TG: variants seen among roughly 807,000 people sequenced by gnomAD.
TG encodes thyroglobulin.
In TG, 270 loss-of-function variants were observed where a neutral mutation model predicts 324.7. That is an observed-to-expected ratio of 0.83 (90% CI 0.75 to 0.92). The LOEUF (loss-of-function observed/expected upper bound fraction) is 0.92. TG is among the 40% of genes least tolerant of loss of function. The probability of loss-of-function intolerance (pLI) is 0.00; values close to 1 mark genes in which losing one functional copy is unlikely to be tolerated. For missense variants in TG, 3,591 were observed against 3,456.4 expected (o/e 1.04, Z -0.98); for synonymous variants, 1,401 against 1,327.0 (o/e 1.06, Z -1.21).
rs1229836506 is a variant in TG at position 132,967,974 on chromosome 8, A to G, written c.5863+4A>G. 3 of 1,613,176 alleles carry G rather than the reference A, an allele frequency of 1.9e-6. No homozygotes were observed. ...AAGGCCCTGTTCCGGAAGAAAGGTG[A>G]GCACTTGGAGAGATCTGCATAAACT... On this transcript the variant is annotated splice_donor_region_variant and intron_variant, in intron 31 of 47. Transcript: ENST00000220616.
rs758730004 is a variant in TG, at chr8:132,900,351, C to G, written c.3433+12C>G. On this transcript the variant is annotated intron_variant, in intron 15 of 47. Coordinates refer to ENST00000220616, the MANE Select transcript of TG (RefSeq NM_003235.5). ...CAGCAGTGCCCAGTGTGAGTAGCAGCCCCTCCTGGCATGGCTTCTCACCTC... is the reference window on the plus strand; with the variant it reads ...CAGCAGTGCCCAGTGTGAGTAGCAGGCCCTCCTGGCATGGCTTCTCACCTC... 4.4e-6 allele frequency: 7 copies of G among 1,604,564 alleles called. No individual in the cohort carries two copies. The highest frequency in any genetic ancestry group is 6.0e-6 in the Non-Finnish European group (7 of 1,175,580).
intron 20 of TG, among the ~76,000 whole-genome samples, chr8:132,913,510 C>T (rs1225160511): frequency 6.6e-6 from 1 of 152,160 alleles, no homozygotes; most frequent in East Asian, 1.9e-4. Context: ...AAGCTTGGAC[C>T]CTGGGCCTGG....
intron 41 of TG, chr8:133,040,445 C>T: frequency 3.2e-6 from 1 of 313,456 alleles, no homozygotes; most frequent in South Asian, 4.8e-5. Context: ...AAGAACGTCT[C>T]TGAGCTTTCC....
At position 133,093,914 on chromosome 8, in the gene TG, C is replaced by T. The variant is rs548869874; in HGVS notation, c.7240-1130C>T. Among the ~76,000 whole-genome samples, 217 of 152,308 alleles carry T rather than the reference C, an allele frequency of 1.4e-3. 1 individual carries two copies. Among genetic ancestry groups the T allele is most frequent in the Non-Finnish European group, 2.0e-3 (139 of 68,024 alleles). On this transcript the variant is annotated intron_variant, in intron 41 of 47. Transcript: ENST00000220616. ...TCTGATGAGCTGAAATAGGGAACCT[C>T]TTGAGTGAGTTTGTCGGAGCCCTCA...
At chr8:132,948,316 AGAGCG>A (rs1825639621) in intron 26 of TG, among the ~76,000 whole-genome samples, 1 of 152,100 alleles carries the variant, frequency 6.6e-6, no homozygotes, top group South Asian at 2.1e-4. Flanking sequence ...AGTGAGAGCG[AGAGCG>A]AGAGAGAGAG....
intron 35 of TG, chr8:132,994,634 C>G: frequency 7.9e-7 from 1 of 1,263,130 alleles, no homozygotes; most frequent in South Asian, 1.3e-5. Flanking sequence ...TTTATTCTCC[C>G]TTGTTGAGTG....
At chr8:132,935,142 T>A (rs1355025009) in intron 24 of TG, among the ~76,000 whole-genome samples, 1 of 151,778 alleles carries the variant, frequency 6.6e-6, no homozygotes, top group Non-Finnish European at 1.5e-5. Context: ...AAACTCTTTT[T>A]TTTTTTTTTT....
rs760991811 is a variant in TG, at chr8:133,133,635, C to T, written c.8163C>T (p.Tyr2721=). Residue 2721 remains tyrosine (Y), a synonymous_variant, in exon 47 of 48, where the codon TAC becomes TAT. Transcript: ENST00000220616. ...CCGACTGCTCCTTCTGGTCCAAGTA[C>T]ATCTCGTCTCTGAAGACATCTGCAG... ...KKADCSFWSK[Y]ISSLKTSADG... is the part of the protein sequence containing the mutation. 15 of 1,614,040 alleles carry T rather than the reference C, an allele frequency of 9.3e-6. No homozygotes were observed. Among genetic ancestry groups the T allele is most frequent in the African/African-American group, 2.7e-5 (2 of 74,944 alleles).
chr8:133,095,355 C>G (rs1175008890), intron 42 of TG, 147 bp downstream of exon 42: 1 of 1,134,742 alleles, frequency 8.8e-7, no homozygotes, highest in African/African-American at 1.5e-5. Flanking sequence ...CATTCCCTAG[C>G]CCCTAGAGCT....
rs749339050 is a variant in TG, at chr8:132,948,950, C to T, written c.5401+7C>T. ...GACCAGGAGTTCATCAAGAGTAAGT[C>T]TTTGCCATTTGTCCATATTCTTTCA... On this transcript the variant is annotated splice_region_variant and intron_variant, in intron 27 of 47. Transcript: ENST00000220616. 7 of 1,612,454 alleles carry T rather than the reference C, an allele frequency of 4.3e-6. No homozygotes were observed. In the Admixed American group the frequency reaches 1.0e-4, roughly 23 times the overall value.
intron 41 of TG, among the ~76,000 whole-genome samples, chr8:133,059,394 G>T (rs933587457): frequency 2.6e-5 from 4 of 152,208 alleles, no homozygotes; most frequent in Non-Finnish European, 5.9e-5. Context: ...TGGTGGATTT[G>T]ATGTTCAGCC....
intron 35 of TG, among the ~76,000 whole-genome samples, chr8:132,990,729 T>G (rs1377818799): frequency 1.1e-4 from 16 of 152,188 alleles, no homozygotes. Flanking sequence ...TGCACAACTG[T>G]GTCCATTTTC....
At chr8:133,094,390 G>A (rs557614652) in intron 41 of TG, among the ~76,000 whole-genome samples, 34 of 151,816 alleles carry the variant, frequency 2.2e-4, no homozygotes, top group African/African-American at 4.1e-4. Flanking sequence ...ACAGGCGCCC[G>A]TCACCACGCC....
At chr8:132,958,299 G>C (rs935312071) in intron 27 of TG, among the ~76,000 whole-genome samples, 1 of 152,046 alleles carries the variant, frequency 6.6e-6, no homozygotes, top group Non-Finnish European at 1.5e-5. Flanking sequence ...GAGTATATAG[G>C]TTATATCTAT....
chr8:132,980,799 A>G (rs765984751), intron 34 of TG, among the ~76,000 whole-genome samples: 7 of 152,168 alleles, frequency 4.6e-5, no homozygotes, highest in Non-Finnish European at 7.3e-5. Context: ...AAAACCTGAC[A>G]GATGTGGTAT....
chr8:132,880,354 C>A (rs960004340), intron 5 of TG, among the ~76,000 whole-genome samples: 15 of 152,144 alleles, frequency 9.9e-5, no homozygotes, highest in African/African-American at 3.6e-4. Flanking sequence ...TGCAGATAGT[C>A]TTTTACAAAG....
chr8:133,051,065 TC>T, intron 41 of TG: 2 of 618,010 alleles, frequency 3.2e-6, no homozygotes, highest in South Asian at 3.8e-5. Flanking sequence ...AGCAAGGTCC[TC>T]TCTTCAGAGA....
At chr8:133,094,336 G>A (rs556923251) in intron 41 of TG, among the ~76,000 whole-genome samples, 2 of 150,336 alleles carry the variant, frequency 1.3e-5, no homozygotes, top group South Asian at 4.3e-4. Flanking sequence ...CGCCTCCCGG[G>A]TTCACGCCAT....
chr8:132,903,871 T>C (rs1460739186), intron 16 of TG, among the ~76,000 whole-genome samples: 3 of 152,210 alleles, frequency 2.0e-5, no homozygotes, highest in African/African-American at 7.2e-5. Flanking sequence ...ATAGTAGCTA[T>C]TTGAGTCATT....
Sources: gnomAD v4.1 joint callset for allele counts (sites outside exome capture counted in the v4.1 genomes callset) on GRCh38, gnomAD v4.1.1 for gene constraint, MANE v1.5 for transcripts, NCBI Gene and HGNC (gene_info 2026-07-23, HGNC 2026-07-21) for gene names.